The following NLK variants were observed in gnomAD, a reference collection of about 807,000 sequenced individuals.
NLK encodes serine/threonine-protein kinase NLK.
A neutral mutation model predicts 59.0 loss-of-function variants in NLK; 11 were observed. The observed-to-expected ratio is 0.19, with a 90% CI of 0.12 to 0.31. The LOEUF (loss-of-function observed/expected upper bound fraction) is 0.31, where lower values mean the gene tolerates loss of function less well. Ranked by LOEUF, NLK falls within the 10% of genes least tolerant of loss-of-function variation. The probability of loss-of-function intolerance (pLI) is 1.00; values close to 1 mark genes in which losing one functional copy is unlikely to be tolerated. For missense variants in NLK, 410 were observed against 661.1 expected, an observed-to-expected ratio of 0.62 and a Z score of 4.16; for synonymous variants, 235 against 235.9, an observed-to-expected ratio of 1.00 and a Z score of 0.03.
At chr17:28,128,147 TAATA>T (rs979961586) in intron 2 of NLK, among the ~76,000 whole-genome samples, 2 of 152,076 alleles carry the variant, frequency 1.3e-5, no homozygotes, top group African/African-American at 4.8e-5. Context: ...AAAGGTAAAA[TAATA>T]AAACTCCTAG....
At chr17:28,153,984 A>T (rs1309263749) in intron 3 of NLK, among the ~76,000 whole-genome samples, 2 of 152,130 alleles carry the variant, frequency 1.3e-5, no homozygotes, top group Non-Finnish European at 2.9e-5. Flanking sequence ...TCTGTCTCTC[A>T]TGGTCACACA....
At position 28,157,412 on chromosome 17, in the gene NLK, A is replaced by G. The variant is rs144510655; in HGVS notation, c.645-3748A>G. ...CACCATGTTGGCCAGGCTCGTCTCAAACTTCTGACCTCAAGTGATCCACCT... is the reference window on the plus strand; with the variant it reads ...CACCATGTTGGCCAGGCTCGTCTCAGACTTCTGACCTCAAGTGATCCACCT... On this transcript the variant is annotated intron_variant, in intron 3 of 10. Transcript: ENST00000407008. Among the ~76,000 whole-genome samples the G allele has an allele frequency of 1.8e-3, 278 of 152,180 alleles. 1 individual carries two copies. The highest frequency in any genetic ancestry group is 6.3e-3 in the African/African-American group (262 of 41,512).
At chr17:28,080,683 A>C (rs1910314159) in intron 1 of NLK, among the ~76,000 whole-genome samples, 1 of 152,218 alleles carries the variant, frequency 6.6e-6, no homozygotes, top group African/African-American at 2.4e-5. Flanking sequence ...GTTTGTTTGC[A>C]GTTTCTCATG....
chr17:28,114,373 C>A (rs1026205754), intron 1 of NLK, among the ~76,000 whole-genome samples: 2 of 152,106 alleles, frequency 1.3e-5, no homozygotes, highest in African/African-American at 4.8e-5. Flanking sequence ...ATAAGAATTT[C>A]CATTGCACTT....
intron 1 of NLK, among the ~76,000 whole-genome samples, chr17:28,052,021 T>C (rs1909274636): frequency 6.6e-6 from 1 of 152,166 alleles, no homozygotes; most frequent in South Asian, 2.1e-4. Flanking sequence ...CATTTTTTTT[T>C]CATCAAGAGA....
intron 8 of NLK, among the ~76,000 whole-genome samples, chr17:28,187,628 G>T (rs1034696587): frequency 6.6e-6 from 1 of 152,086 alleles, no homozygotes; most frequent in East Asian, 1.9e-4. Context: ...TAATGCTCCC[G>T]ATCTGCCAGG....
At chr17:28,191,261 T>A (rs779395407) in intron 9 of NLK, 42 bp downstream of exon 9, 1 of 1,479,022 alleles carries the variant, frequency 6.8e-7, no homozygotes, top group Admixed American at 2.2e-5. Context: ...ATATGCCTAG[T>A]AACATTTTCC....
intron 3 of NLK, among the ~76,000 whole-genome samples, chr17:28,158,889 G>C (rs1384670508): frequency 6.6e-6 from 1 of 152,096 alleles, no homozygotes; most frequent in Non-Finnish European, 1.5e-5. Context: ...CACAGGTTTA[G>C]TCACCAAGAC....
intron 1 of NLK, among the ~76,000 whole-genome samples, chr17:28,074,190 G>A (rs1188760062): frequency 1.2e-4 from 18 of 152,120 alleles, no homozygotes; most frequent in Admixed American, 1.2e-3. Context: ...TAATTTTGGA[G>A]CAAATGAACA....
chr17:28,063,528 A>G (rs1597659758), intron 1 of NLK, among the ~76,000 whole-genome samples: 2 of 152,328 alleles, frequency 1.3e-5, no homozygotes, highest in East Asian at 3.9e-4. Flanking sequence ...ATTCACTAAA[A>G]TTTAGCTCTC....
chr17:28,096,949 G>A (rs572839221), intron 1 of NLK, among the ~76,000 whole-genome samples: 2 of 152,124 alleles, frequency 1.3e-5, no homozygotes, highest in Non-Finnish European at 2.9e-5. Context: ...ACAGTGATAG[G>A]ATGGAGCCTT....
Position 28,042,847 on chromosome 17 carries a change from T to G in NLK, c.-27T>G. 6.8e-7 allele frequency: 1 copy of G among 1,470,250 alleles called. No homozygotes were observed. Among genetic ancestry groups the G allele is most frequent in the Non-Finnish European group, 9.1e-7 (1 of 1,103,954 alleles). 91.1% of individuals were successfully genotyped at this position (1,470,250 alleles called of 1,614,324 possible). A position where few individuals can be genotyped will look rare whatever the true frequency, so the allele number is the denominator to read the frequency against. ...CAAATGACAGCTTGACCCAGTTTGCTTTCCAATCAAAGGGCATTTATTTTG... is the reference window on the plus strand; with the variant it reads ...CAAATGACAGCTTGACCCAGTTTGCGTTCCAATCAAAGGGCATTTATTTTG... On this transcript the variant is annotated 5_prime_UTR_variant, in exon 1 of 11. Transcript: ENST00000407008.
At chr17:28,132,711 T>A (rs1482473637) in intron 3 of NLK, 36 bp downstream of exon 3, 13 of 1,535,052 alleles carry the variant, frequency 8.5e-6, no homozygotes, top group Non-Finnish European at 1.2e-5. Context: ...AAGGGGACAA[T>A]TTTTAAAATT....
At chr17:28,117,500 C>A (rs1381310118) in intron 1 of NLK, among the ~76,000 whole-genome samples, 1 of 152,094 alleles carries the variant, frequency 6.6e-6, no homozygotes, top group Non-Finnish European at 1.5e-5. Flanking sequence ...CTGCTGAGAT[C>A]TTTGCTATTT....
chr17:28,122,760 CTA>C lies in NLK; in HGVS notation c.588+30_588+31del, dbSNP rs767946291. 2.5e-5 allele frequency: 40 copies of C among 1,612,684 alleles called. 1 individual carries two copies. The South Asian group carries it at 4.2e-4, about 17-fold the overall frequency. ...AAGTGAAATTGGTATTTGGGGGAAA[CTA>C]TTTCCTAAGCCTCCTGCATTGAATT... On this transcript the variant is annotated intron_variant, in intron 2 of 10. Coordinates refer to ENST00000407008, the MANE Select transcript of NLK (RefSeq NM_016231.5).
intron 7 of NLK, among the ~76,000 whole-genome samples, chr17:28,174,560 A>G (rs975162336): frequency 1.3e-5 from 2 of 152,116 alleles, no homozygotes; most frequent in Admixed American, 6.6e-5. Context: ...GCTTTTATCC[A>G]CTGCTTGAAG....
At chr17:28,073,106 C>T (rs550735104) in intron 1 of NLK, among the ~76,000 whole-genome samples, 1 of 152,096 alleles carries the variant, frequency 6.6e-6, no homozygotes, top group East Asian at 1.9e-4. Context: ...TTTCAGGCCA[C>T]ACCACTAGTT....
Position 28,060,741 on chromosome 17 carries a change from A to AT in NLK, c.458+17414dup, listed in dbSNP as rs561020349. Among the ~76,000 whole-genome samples the AT allele has an allele frequency of 1.4e-3, 209 of 152,354 alleles. 3 individuals carry two copies. In the South Asian group the frequency reaches 0.038, roughly 28 times the overall value. ...AGATAACACTTTTAAACTGCTAGAT[A>AT]TTTTAAAGTAATAATCCTAGTTGTT... On this transcript the variant is annotated intron_variant, in intron 1 of 10. Coordinates refer to ENST00000407008, the MANE Select transcript of NLK (RefSeq NM_016231.5).
At chr17:28,157,260 C>T (rs2142044265) in intron 3 of NLK, among the ~76,000 whole-genome samples, 1 of 152,174 alleles carries the variant, frequency 6.6e-6, no homozygotes, top group South Asian at 2.1e-4. Flanking sequence ...GGTGCGATCT[C>T]AGCTCACTGC....
Sources: allele counts gnomAD v4.1 joint callset (sites outside exome capture counted in the v4.1 genomes callset), GRCh38; gene constraint gnomAD v4.1.1; transcripts MANE v1.5; gene names NCBI Gene and HGNC (gene_info 2026-07-23, HGNC 2026-07-21).